SSH1: variants seen among roughly 807,000 people sequenced by gnomAD.
The protein encoded by SSH1 is protein phosphatase Slingshot homolog 1.
SSH1 carries 43 observed loss-of-function variants against 79.7 expected under a neutral mutation model. That is an observed-to-expected ratio of 0.54 (90% CI 0.42 to 0.70). The LOEUF is 0.70. Among genes scored for constraint, SSH1 ranks in the 30% least tolerant of loss-of-function variants. The pLI, the probability that SSH1 is intolerant of heterozygous loss-of-function variation, is 0.00. For synonymous variants in SSH1, 599 were observed against 538.3 expected (o/e 1.11, Z -1.56); for missense variants, 1,206 against 1,358.8 (o/e 0.89, Z 1.77).
intron 13 of SSH1, 83 bp downstream of exon 13, chr12:108,798,917 G>A (rs2036865413): frequency 1.2e-5 from 18 of 1,486,202 alleles, no homozygotes; most frequent in Admixed American, 3.4e-5. Context: ...AGCATGCTCT[G>A]CTGCCGACAG....
intron 10 of SSH1, among the ~76,000 whole-genome samples, chr12:108,802,895 G>A (rs1266699927): frequency 1.3e-5 from 2 of 152,150 alleles, no homozygotes; most frequent in Non-Finnish European, 2.9e-5. Flanking sequence ...TAGGTAGGAG[G>A]ATATTTATAA....
chr12:108,847,563 T>C (rs937280973), intron 2 of SSH1, among the ~76,000 whole-genome samples: 5 of 152,160 alleles, frequency 3.3e-5, no homozygotes, highest in African/African-American at 1.2e-4. Flanking sequence ...GTTCAAACAA[T>C]TCTCCTGCCT....
chr12:108,835,166 C>T (rs1463276223), intron 2 of SSH1, among the ~76,000 whole-genome samples: 2 of 152,182 alleles, frequency 1.3e-5, no homozygotes, highest in African/African-American at 4.8e-5. Context: ...AAACAGTGGA[C>T]ATCAATAAAT....
chr12:108,852,727 C>A (rs770461471), intron 1 of SSH1, 49 bp from the exon 2 acceptor site: 2 of 1,613,120 alleles, frequency 1.2e-6, no homozygotes, highest in Non-Finnish European at 1.7e-6. Flanking sequence ...ACTGTCAACA[C>A]GCCTCGGGCG....
At chr12:108,800,111 T>G (rs2036925297) in intron 12 of SSH1, among the ~76,000 whole-genome samples, 1 of 152,230 alleles carries the variant, frequency 6.6e-6, no homozygotes, top group Admixed American at 6.5e-5. Context: ...ACACATCATG[T>G]GGCTTTGACC....
intron 10 of SSH1, among the ~76,000 whole-genome samples, chr12:108,804,004 C>G (rs1392438760): frequency 2.0e-5 from 3 of 152,212 alleles, no homozygotes; most frequent in Non-Finnish European, 4.4e-5. Flanking sequence ...GAAGCACTTT[C>G]TCCTCTAACA....
At chr12:108,846,329 C>A (rs896101690) in intron 2 of SSH1, among the ~76,000 whole-genome samples, 11 of 152,158 alleles carry the variant, frequency 7.2e-5, no homozygotes, top group Non-Finnish European at 1.6e-4. Context: ...CTGATCCACA[C>A]CCTGGGGACA....
At chr12:108,814,254 C>A (rs956757354) in intron 5 of SSH1, among the ~76,000 whole-genome samples, 1 of 151,930 alleles carries the variant, frequency 6.6e-6, no homozygotes, top group Non-Finnish European at 1.5e-5. Flanking sequence ...TGAGAGTGCG[C>A]AAGCCTGCTG....
intron 14 of SSH1, chr12:108,792,037 T>C: frequency 6.9e-7 from 1 of 1,440,962 alleles, no homozygotes; most frequent in Non-Finnish European, 9.1e-7. Flanking sequence ...CAGAGATATG[T>C]GTTATTCCCA....
In SSH1 at chr12:108,820,577, T is replaced by TTG. The variant is rs1233429470; in HGVS notation, c.215-2265_215-2264insCA. ...ATTGTTTGCTGAGATATGGAACTGCTGACAGACAGAAATCCAAACCCCAGT... is the reference window on the plus strand; with the variant it reads ...ATTGTTTGCTGAGATATGGAACTGCTTGGACAGACAGAAATCCAAACCCCAGT... On this transcript the variant is annotated intron_variant, in intron 3 of 14. Coordinates refer to ENST00000326495, the MANE Select transcript of SSH1 (RefSeq NM_018984.4). Among the ~76,000 whole-genome samples, 15 of 152,196 alleles carry TTG rather than the reference T, an allele frequency of 9.9e-5. 1 individual carries two copies. Among genetic ancestry groups the TTG allele is most frequent in the Non-Finnish European group, 1.5e-4 (10 of 68,036 alleles).
At chr12:108,836,049 A>AT (rs2038620716) in intron 2 of SSH1, among the ~76,000 whole-genome samples, 6 of 147,622 alleles carry the variant, frequency 4.1e-5, no homozygotes, top group Admixed American at 1.4e-4. Context: ...ATATTAATAT[A>AT]ATCAATATTA....
At chr12:108,817,927 C>T (rs187367541) in intron 4 of SSH1, among the ~76,000 whole-genome samples, 2 of 152,062 alleles carry the variant, frequency 1.3e-5, no homozygotes, top group Admixed American at 6.5e-5. Flanking sequence ...TGGCTGGGCA[C>T]GGTGGCTTAC....
rs573824358 is a variant in SSH1 at position 108,827,243 on chromosome 12, A to G, written c.111-3882T>C. 1.1e-4 allele frequency: 164 copies of G among 1,537,328 alleles called. 1 individual carries two copies. In the East Asian group the frequency reaches 4.0e-3, roughly 38 times the overall value. On this transcript the variant is annotated intron_variant, in intron 2 of 14. Transcript: ENST00000326495. ...ACCAAGCCATGGCAGGAAACCAGTAATCAGGGTGGTCATACGTACTAATTT... is the reference window on the plus strand; with the variant it reads ...ACCAAGCCATGGCAGGAAACCAGTAGTCAGGGTGGTCATACGTACTAATTT...
rs2036549343 is a variant in SSH1 at position 108,792,459 on chromosome 12, A to G, written c.1720T>C (p.Phe574Leu). 6.2e-7 allele frequency: 1 copy of G among 1,613,118 alleles called. No individual in the cohort carries two copies. Among genetic ancestry groups the G allele is most frequent in the African/African-American group, 1.3e-5 (1 of 74,506 alleles). Residue 574 changes from phenylalanine to leucine, a missense_variant, in exon 14 of 15, where the codon TTT (phenylalanine) becomes CTT (leucine). By Grantham distance (22) the Phe-to-Leu change is conservative. Around this residue, in one of 5 missense-constraint regions of SSH1, gnomAD observed 709 missense variants for 730.6 expected, o/e 0.97. Coordinates refer to ENST00000326495, the MANE Select transcript of SSH1 (RefSeq NM_018984.4). The stretch of plus-strand genomic sequence containing the variant: ...CCGCTCCGACCTTTGGGACTCCCAA[A>G]CTCTAGTTTCTTCTTCACATCCTTC... ...CEKDVKKKLE[F>L]GSPKGRSGSL... is the part of the protein sequence containing the mutation.
chr12:108,796,754 T>G (rs1170382150), intron 13 of SSH1, among the ~76,000 whole-genome samples: 2 of 152,210 alleles, frequency 1.3e-5, no homozygotes, highest in East Asian at 3.8e-4. Flanking sequence ...TTCCTTTTTT[T>G]TTTTTTAGAC....
At position 108,790,130 on chromosome 12, in the gene SSH1, T is replaced by TTTA. The variant is rs1378620072; in HGVS notation, c.1894-887_1894-886insTAA. Among the ~76,000 whole-genome samples, 2 of 149,146 alleles carry TTTA rather than the reference T, an allele frequency of 1.3e-5. 1 individual carries two copies. The highest frequency in any genetic ancestry group is 3.0e-5 in the Non-Finnish European group (2 of 67,602). On this transcript the variant is annotated intron_variant, in intron 14 of 14. Transcript: ENST00000326495. Reference sequence around the variant, plus strand: ...AGAGGGGGCTCATCACCCACCTGCTTAAAGGCCCCGCCATGGCTTCCAGTT... The same window carrying TTTA: ...AGAGGGGGCTCATCACCCACCTGCTTTTAAAAGGCCCCGCCATGGCTTCCAGTT...
chr12:108,838,984 T>C (rs1359907727), intron 2 of SSH1, among the ~76,000 whole-genome samples: 2 of 152,238 alleles, frequency 1.3e-5, no homozygotes, highest in Non-Finnish European at 2.9e-5. Context: ...ATTTTCTCAC[T>C]AATGTTACAT....
At chr12:108,839,716 C>G (rs1160565400) in intron 2 of SSH1, among the ~76,000 whole-genome samples, 2 of 152,134 alleles carry the variant, frequency 1.3e-5, no homozygotes, top group Non-Finnish European at 1.5e-5. Context: ...AAAGTAAAGG[C>G]ACTCAAGAAT....
intron 13 of SSH1, among the ~76,000 whole-genome samples, chr12:108,796,013 T>C (rs1261243260): frequency 6.6e-6 from 1 of 151,362 alleles, no homozygotes; most frequent in Non-Finnish European, 1.5e-5. Context: ...TCTCCCAGGT[T>C]CAAGCCATTC....
Sources: gnomAD v4.1 joint callset for allele counts (sites outside exome capture counted in the v4.1 genomes callset) on GRCh38, gnomAD v4.1.1 for gene constraint, gnomAD v4.1.1 regional missense constraint, MANE v1.5 for transcripts, NCBI Gene and HGNC (gene_info 2026-07-23, HGNC 2026-07-21) for gene names.